SPDYE10: variants seen among roughly 807,000 people sequenced by gnomAD.
The protein encoded by SPDYE10 is speedy/RINGO cell cycle regulator family member E10.
At chr7:73,116,982 A>C in the SPDYE10 span, among the ~76,000 whole-genome samples, 1 of 147,688 alleles carries the variant, frequency 6.8e-6, no homozygotes. Flanking sequence ...TATAACCTCC[A>C]CCTCCCAGGT....
the SPDYE10 span, among the ~76,000 whole-genome samples, chr7:73,152,053 C>A: frequency 7.0e-6 from 1 of 142,704 alleles, no homozygotes; most frequent in Non-Finnish European, 1.5e-5. Context: ...CTCATTCTGT[C>A]GCCCAGGCTG....
At chr7:73,117,042 A>G in the SPDYE10 span, among the ~76,000 whole-genome samples, 1 of 151,266 alleles carries the variant, frequency 6.6e-6, no homozygotes, top group African/African-American at 2.4e-5. Context: ...AGTACAGGGC[A>G]TGCCACCATT....
chr7:73,149,314 G>T, the SPDYE10 span, among the ~76,000 whole-genome samples: 10 of 97,680 alleles, frequency 1.0e-4, no homozygotes, highest in East Asian at 2.6e-4. Context: ...GGGGGACAGA[G>T]TCTCGCTCTG....
At chr7:73,115,280 A>C in the SPDYE10 span, among the ~76,000 whole-genome samples, 63 of 152,266 alleles carry the variant, frequency 4.1e-4, no homozygotes, top group Non-Finnish European at 7.1e-4. Flanking sequence ...AATTTATTTG[A>C]AAAGGAGGAA....
chr7:73,149,818 C>T, the SPDYE10 span, among the ~76,000 whole-genome samples: 1 of 121,564 alleles, frequency 8.2e-6, no homozygotes, highest in Admixed American at 8.4e-5. Context: ...TTCTTTACAG[C>T]GTGATGGTCT....
At chr7:73,112,857 CTGCCG>C in the SPDYE10 span, among the ~76,000 whole-genome samples, 1 of 45,668 alleles carries the variant, frequency 2.2e-5, no homozygotes, top group Non-Finnish European at 4.1e-5. Flanking sequence ...CAGAGGTTTT[CTGCCG>C]AGTGTCTACT....
At chr7:73,135,672 G>A in the SPDYE10 span, among the ~76,000 whole-genome samples, 102 of 97,934 alleles carry the variant, frequency 1.0e-3, no homozygotes, top group African/African-American at 3.7e-3. Flanking sequence ...TTACAGGCAT[G>A]CATTGCCATG....
At chr7:73,117,589 TA>T in the SPDYE10 span, among the ~76,000 whole-genome samples, 3 of 112,726 alleles carry the variant, frequency 2.7e-5, no homozygotes, top group Admixed American at 9.7e-5. Context: ...TTTTATGACA[TA>T]TCTAGGATTT....
chr7:73,132,636 C>G, the SPDYE10 span, among the ~76,000 whole-genome samples: 2 of 149,868 alleles, frequency 1.3e-5, no homozygotes, highest in Non-Finnish European at 3.0e-5. Context: ...AGCCTTCTAT[C>G]TCCTTAGGCC....
the SPDYE10 span, among the ~76,000 whole-genome samples, chr7:73,139,562 C>A: frequency 1.2e-4 from 17 of 146,968 alleles, 1 homozygote; most frequent in East Asian, 2.9e-3. Flanking sequence ...ACCTCATGAT[C>A]TGTCCACCTC....
At chr7:73,115,478 C>T in the SPDYE10 span, among the ~76,000 whole-genome samples, 2 of 149,710 alleles carry the variant, frequency 1.3e-5, no homozygotes, top group African/African-American at 5.0e-5. Flanking sequence ...TTCCTTCCTT[C>T]CCCACAGCTG....
chr7:73,127,317 G>A, the SPDYE10 span, among the ~76,000 whole-genome samples: 2 of 87,522 alleles, frequency 2.3e-5, no homozygotes, highest in Non-Finnish European at 4.7e-5. Context: ...TTGGGAGGCC[G>A]ATGTGGGCAG....
chr7:73,140,808 A>G, the SPDYE10 span, among the ~76,000 whole-genome samples: 3 of 140,356 alleles, frequency 2.1e-5, no homozygotes, highest in Non-Finnish European at 4.8e-5. Context: ...TTTAGTAGAG[A>G]TGGGGTTTCA....
chr7:73,138,541 G>C, the SPDYE10 span, among the ~76,000 whole-genome samples: 1 of 148,724 alleles, frequency 6.7e-6, no homozygotes, highest in Non-Finnish European at 1.5e-5. Flanking sequence ...ACCACGCCCA[G>C]CTAATTTTTG....
At chr7:73,113,962 C>G in the SPDYE10 span, among the ~76,000 whole-genome samples, 2 of 150,638 alleles carry the variant, frequency 1.3e-5, no homozygotes, top group Non-Finnish European at 2.9e-5. Flanking sequence ...GGAGGCGGCA[C>G]TTGCAGTGAG....
the SPDYE10 span, among the ~76,000 whole-genome samples, chr7:73,114,461 A>G: frequency 6.7e-6 from 1 of 150,268 alleles, no homozygotes; most frequent in South Asian, 2.1e-4. Flanking sequence ...ATCTCTGCCA[A>G]CACCGAGTAT....
chr7:73,113,708 A>G, the SPDYE10 span, among the ~76,000 whole-genome samples: 6 of 152,206 alleles, frequency 3.9e-5, no homozygotes, highest in African/African-American at 1.2e-4. Flanking sequence ...AGCCTGGCCA[A>G]CATGGTGAAA....
the SPDYE10 span, among the ~76,000 whole-genome samples, chr7:73,148,939 TA>T: frequency 9.1e-6 from 1 of 110,480 alleles, no homozygotes. Flanking sequence ...TATCCATTGC[TA>T]CCCAACAAAC....
At chr7:73,123,794 T>TCC in the SPDYE10 span, among the ~76,000 whole-genome samples, 1 of 145,880 alleles carries the variant, frequency 6.9e-6, no homozygotes, top group African/African-American at 2.6e-5. Flanking sequence ...TCTCCCTCTC[T>TCC]CTCTCTCTCT....
Sources: gnomAD v4.1 joint callset for allele counts (sites outside exome capture counted in the v4.1 genomes callset) on GRCh38, gnomAD v4.1.1 for gene constraint, MANE v1.5 for transcripts, NCBI Gene and HGNC (gene_info 2026-07-23, HGNC 2026-07-21) for gene names.